Variants in SOX5 observed in about 807,000 individuals in gnomAD.
SOX5 encodes SRY-box transcription factor 5.
SOX5 carries 9 observed loss-of-function variants against 92.0 expected under a neutral mutation model. The ratio of observed to expected loss-of-function variants is 0.10; its 90% CI spans 0.06 to 0.17. The LOEUF (loss-of-function observed/expected upper bound fraction) is 0.17, where lower values mean the gene tolerates loss of function less well. SOX5 is among the 10% of genes least tolerant of loss of function. The pLI is 1.00. For missense variants in SOX5, 642 were observed against 944.5 expected, an observed-to-expected ratio of 0.68 and a Z score of 4.20; for synonymous variants, 344 against 336.3, an observed-to-expected ratio of 1.02 and a Z score of -0.25.
intron 1 of SOX5, among the ~76,000 whole-genome samples, chr12:24,475,194 T>C (rs925919898): frequency 5.3e-5 from 8 of 152,178 alleles, no homozygotes; most frequent in Admixed American, 3.9e-4. Context: ...CTGTGTCTAC[T>C]CTTTTCTTTT....
At chr12:24,347,617 T>G (rs566321840) in intron 2 of SOX5, among the ~76,000 whole-genome samples, 1 of 152,338 alleles carries the variant, frequency 6.6e-6, no homozygotes. Flanking sequence ...TAAGGGGATT[T>G]AACGATAAAA....
At position 23,574,032 on chromosome 12, in the gene SOX5, T is replaced by C. The variant is rs193182285; in HGVS notation, c.1342+1629A>G. Among the ~76,000 whole-genome samples the C allele has an allele frequency of 1.5e-3, 230 of 151,632 alleles. 1 individual carries two copies. Among genetic ancestry groups the C allele is most frequent in the African/African-American group, 4.9e-3 (202 of 41,408 alleles). The stretch of plus-strand genomic sequence containing the variant: ...ATAATATTAATATCAGTTATCTATC[T>C]ATTAGTATCTAATGCAATACCAGCT... On this transcript the variant is annotated intron_variant, in intron 10 of 14. Coordinates refer to ENST00000451604, the MANE Select transcript of SOX5 (RefSeq NM_006940.6).
chr12:23,747,361 C>T (rs1367147831), intron 4 of SOX5, among the ~76,000 whole-genome samples: 3 of 152,114 alleles, frequency 2.0e-5, no homozygotes, highest in African/African-American at 7.2e-5. Flanking sequence ...AACAAACGTT[C>T]ATAGTTATCT....
chr12:24,065,120 G>T (rs1274250752), intron 4 of SOX5, among the ~76,000 whole-genome samples: 1 of 152,170 alleles, frequency 6.6e-6, no homozygotes, highest in Admixed American at 6.5e-5. Context: ...TTAGGGATGT[G>T]CGGATGTGTA....
chr12:23,976,392 AAAAAAC>A lies in SOX5; in HGVS notation c.-1-80374_-1-80369del, dbSNP rs1485988378. The stretch of plus-strand genomic sequence containing the variant: ...CATTTCTAAGAGGTGAACACTATTA[AAAAAAC>A]AAAAAAACAAAAAAAAAAAAAAAAA... On this transcript the variant is annotated intron_variant, in intron 4 of 4. Transcript: ENST00000446891. 1.4e-3 allele frequency among the ~76,000 whole-genome samples: 174 copies of A among 120,924 alleles called. 1 individual carries two copies. Among genetic ancestry groups the A allele is most frequent in the African/African-American group, 5.1e-3 (163 of 31,756 alleles). The allele number at this position is 120,924 out of a possible 152,430, so 79.3% of individuals were successfully genotyped here.
intron 4 of SOX5, among the ~76,000 whole-genome samples, chr12:23,985,486 C>A (rs1222420288): frequency 6.6e-6 from 1 of 152,132 alleles, no homozygotes; most frequent in Non-Finnish European, 1.5e-5. Context: ...AAGCAGATAA[C>A]TTAAAGTTTG....
chr12:24,282,424 GAAAT>G (rs981549252), intron 2 of SOX5, among the ~76,000 whole-genome samples: 3 of 149,440 alleles, frequency 2.0e-5, no homozygotes, highest in African/African-American at 7.4e-5. Context: ...CAGAAAAAAA[GAAAT>G]AAAAAGCAAT....
chr12:23,760,522 C>T (rs1230663038), intron 3 of SOX5, among the ~76,000 whole-genome samples: 4 of 152,068 alleles, frequency 2.6e-5, no homozygotes, highest in African/African-American at 9.7e-5. Flanking sequence ...CCTTCTGATA[C>T]ATTTGCTTGC....
At chr12:24,295,914 G>T (rs1947175377) in intron 2 of SOX5, among the ~76,000 whole-genome samples, 1 of 152,042 alleles carries the variant, frequency 6.6e-6, no homozygotes, top group Non-Finnish European at 1.5e-5. Flanking sequence ...CTAATATGCT[G>T]CCTATAGACT....
At chr12:23,765,127 T>C (rs1401403942) in intron 3 of SOX5, among the ~76,000 whole-genome samples, 2 of 152,026 alleles carry the variant, frequency 1.3e-5, no homozygotes, top group African/African-American at 4.8e-5. Context: ...TATATTAAAA[T>C]TTGTATATAC....
chr12:24,560,597 C>A (rs927800731), intron 1 of SOX5, among the ~76,000 whole-genome samples: 1 of 152,186 alleles, frequency 6.6e-6, no homozygotes, highest in Non-Finnish European at 1.5e-5. Context: ...GCATTTGAAA[C>A]CAGATTCCTT....
At chr12:24,147,261 C>A (rs890810845) in intron 4 of SOX5, among the ~76,000 whole-genome samples, 4 of 152,048 alleles carry the variant, frequency 2.6e-5, no homozygotes, top group Admixed American at 2.6e-4. Flanking sequence ...GGAATTTATA[C>A]CAGGAATGCA....
At chr12:23,805,025 C>T (rs1360272975) in intron 3 of SOX5, among the ~76,000 whole-genome samples, 19 of 139,260 alleles carry the variant, frequency 1.4e-4, no homozygotes, top group Middle Eastern at 4.3e-3. Flanking sequence ...AGGTTGGCAC[C>T]TTACTTGTTT....
intron 1 of SOX5, among the ~76,000 whole-genome samples, chr12:24,369,911 G>A (rs750450605): frequency 3.3e-5 from 5 of 152,142 alleles, no homozygotes; most frequent in Non-Finnish European, 7.3e-5. Flanking sequence ...TACTAACAAA[G>A]ATCTCACTGT....
chr12:24,525,460 A>C (rs1048995605), intron 1 of SOX5, among the ~76,000 whole-genome samples: 4 of 152,338 alleles, frequency 2.6e-5, no homozygotes, highest in African/African-American at 9.6e-5. Flanking sequence ...TTGCTGCAGA[A>C]TGTCTTACCT....
At chr12:23,780,945 C>T (rs34902003) in intron 3 of SOX5, among the ~76,000 whole-genome samples, 16,073 of 151,880 alleles carry the variant, frequency 0.11, 1,053 homozygotes, top group Non-Finnish European at 0.15. Context: ...AAGGAAATTT[C>T]TGAAAGGGAG....
chr12:24,054,216 T>C (rs1398207955), intron 4 of SOX5, among the ~76,000 whole-genome samples: 1 of 152,186 alleles, frequency 6.6e-6, no homozygotes, highest in African/African-American at 2.4e-5. Flanking sequence ...GAGGACACAA[T>C]ATATAAGAGC....
At chr12:24,447,959 T>TC (rs1941731951) in intron 1 of SOX5, among the ~76,000 whole-genome samples, 1 of 152,028 alleles carries the variant, frequency 6.6e-6, no homozygotes, top group African/African-American at 2.4e-5. Context: ...GGCGGGTAGA[T>TC]CATCTGAGGT....
intron 3 of SOX5, among the ~76,000 whole-genome samples, chr12:24,246,709 G>C (rs1365370087): frequency 6.6e-6 from 1 of 151,946 alleles, no homozygotes; most frequent in Non-Finnish European, 1.5e-5. Flanking sequence ...ATTCTTTTTG[G>C]GCCATGTTTA....
Sources: allele counts gnomAD v4.1 joint callset (sites outside exome capture counted in the v4.1 genomes callset), GRCh38; gene constraint gnomAD v4.1.1; transcripts MANE v1.5; gene names NCBI Gene and HGNC (gene_info 2026-07-23, HGNC 2026-07-21).